MEIKIN: variants seen among roughly 807,000 people sequenced by gnomAD.
The protein encoded by MEIKIN is meiosis-specific kinetochore protein.
At chr5:131,882,295 T>C (rs13174462) in intron 8 of MEIKIN, among the ~76,000 whole-genome samples, 96,827 of 151,974 alleles carry the variant, frequency 0.64, 32,911 homozygotes, top group Non-Finnish European at 0.77. Flanking sequence ...ATCTGAGTCT[T>C]TGGAACTTAG....
intron 9 of MEIKIN, among the ~76,000 whole-genome samples, chr5:131,863,556 C>CTTTTTTTTTTTTTTTTTT (rs1750325066): frequency 2.4e-5 from 1 of 42,000 alleles, no homozygotes; most frequent in African/African-American, 1.2e-4. Flanking sequence ...CCTTCTTTGT[C>CTTTTTTTTTTTTTTTTTT]CTTTTTTTTT....
intron 11 of MEIKIN, among the ~76,000 whole-genome samples, chr5:131,820,447 T>C (rs1421190646): frequency 6.6e-6 from 1 of 152,246 alleles, no homozygotes; most frequent in Non-Finnish European, 1.5e-5. Context: ...TTCAGGATTT[T>C]TCCATCAATA....
At chr5:131,852,852 G>C (rs1750137768) in intron 10 of MEIKIN, among the ~76,000 whole-genome samples, 1 of 131,672 alleles carries the variant, frequency 7.6e-6, no homozygotes, top group Non-Finnish European at 1.6e-5. Context: ...TTGTAAAATA[G>C]TCACTAAATT....
At chr5:131,819,765 ATTTTTTT>A (rs1167213249) in intron 11 of MEIKIN, among the ~76,000 whole-genome samples, 18 of 64,572 alleles carry the variant, frequency 2.8e-4, no homozygotes, top group African/African-American at 1.1e-3. Flanking sequence ...ACATCCAGCT[ATTTTTTT>A]TTTTTTTTTT....
At chr5:131,913,603 T>C (rs1014287588) in intron 7 of MEIKIN, among the ~76,000 whole-genome samples, 1 of 152,224 alleles carries the variant, frequency 6.6e-6, no homozygotes, top group Non-Finnish European at 1.5e-5. Flanking sequence ...ATCCTCTCCA[T>C]GTATTCTTAG....
intron 8 of MEIKIN, among the ~76,000 whole-genome samples, chr5:131,879,549 C>CA (rs999316842): frequency 8.5e-5 from 13 of 152,354 alleles, no homozygotes; most frequent in Non-Finnish European, 1.8e-4. Context: ...CCTGTTTCAT[C>CA]AAAAACTTTC....
intron 10 of MEIKIN, among the ~76,000 whole-genome samples, chr5:131,852,088 A>G (rs763595821): frequency 6.6e-6 from 1 of 152,232 alleles, no homozygotes; most frequent in Non-Finnish European, 1.5e-5. Flanking sequence ...GTATATGTAT[A>G]TAATGGAGTA....
chr5:131,888,804 G>T (rs1750849360), intron 8 of MEIKIN, among the ~76,000 whole-genome samples: 1 of 152,170 alleles, frequency 6.6e-6, no homozygotes, highest in African/African-American at 2.4e-5. Flanking sequence ...GTCCTGAATG[G>T]TATTGCCTAG....
At position 131,916,872 on chromosome 5, in the gene MEIKIN, T is replaced by G. The variant is rs1381208719; in HGVS notation, c.638+14A>C. 1 of 397,078 alleles carries G rather than the reference T, an allele frequency of 2.5e-6. No individual in the cohort carries two copies. Among genetic ancestry groups the G allele is most frequent in the Non-Finnish European group, 4.4e-6 (1 of 225,010 alleles). 24.6% of individuals were successfully genotyped at this position (397,078 alleles called of 1,614,324 possible). On this transcript the variant is annotated intron_variant, in intron 7 of 12. Transcript: ENST00000442687. ...TTTCAGAAGCTCAACAATTTTAAAA[T>G]TTTTAGTTCTTACGTTTTTCTATGG...
chr5:131,832,177 C>A (rs1358381868), intron 11 of MEIKIN, among the ~76,000 whole-genome samples: 9 of 152,172 alleles, frequency 5.9e-5, no homozygotes, highest in Non-Finnish European at 7.3e-5. Context: ...AAACTAGTTA[C>A]TTCCTAGATA....
intron 8 of MEIKIN, among the ~76,000 whole-genome samples, chr5:131,897,718 G>T (rs745397979): frequency 3.7e-4 from 57 of 152,106 alleles, no homozygotes; most frequent in East Asian, 1.9e-4. Flanking sequence ...AAGTTTTCAT[G>T]CCATGGTTTT....
chr5:131,835,695 G>A (rs759945978), intron 11 of MEIKIN, among the ~76,000 whole-genome samples: 25 of 152,148 alleles, frequency 1.6e-4, no homozygotes, highest in Non-Finnish European at 3.2e-4. Context: ...CCGAGTTCAC[G>A]CCATTCTCCT....
At chr5:131,892,386 C>A (rs985784506) in intron 8 of MEIKIN, among the ~76,000 whole-genome samples, 8 of 152,268 alleles carry the variant, frequency 5.3e-5, no homozygotes, top group South Asian at 4.1e-4. Flanking sequence ...TCACATAGTC[C>A]CATATTTCTT....
chr5:131,935,098 G>A (rs1751752468), intron 4 of MEIKIN, among the ~76,000 whole-genome samples: 1 of 149,862 alleles, frequency 6.7e-6, no homozygotes. Context: ...ACAAGCTACA[G>A]ATAGGGAGAA....
At chr5:131,899,542 TA>T (rs398065218) in intron 8 of MEIKIN, among the ~76,000 whole-genome samples, 1,282 of 125,404 alleles carry the variant, frequency 0.01, 14 homozygotes, top group Middle Eastern at 0.031. Flanking sequence ...TGAATGGATT[TA>T]AAAAAAAAAA....
intron 4 of MEIKIN, among the ~76,000 whole-genome samples, chr5:131,934,443 T>A (rs804059): frequency 5.3e-5 from 8 of 151,978 alleles, no homozygotes; most frequent in African/African-American, 1.7e-4. Context: ...TTTTGACCAA[T>A]ATGTAAAGGC....
chr5:131,858,069 G>A lies in MEIKIN; in HGVS notation c.775-3235C>T, dbSNP rs1170482612. 2.4e-4 allele frequency among the ~76,000 whole-genome samples: 37 copies of A among 152,232 alleles called. 1 individual carries two copies. Among genetic ancestry groups the A allele is most frequent in the Admixed American group, 2.4e-3 (37 of 15,284 alleles). On this transcript the variant is annotated intron_variant, in intron 9 of 12. Transcript: ENST00000442687. ...ACTCCCCATCACAGTGCTGTGGCCA[G>A]CAGAGCAGGAACACCGGGCCCCTCC...
chr5:131,840,730 T>A (rs1426595069), intron 11 of MEIKIN, among the ~76,000 whole-genome samples: 1 of 152,192 alleles, frequency 6.6e-6, no homozygotes, highest in Non-Finnish European at 1.5e-5. Context: ...ACTGGCTTTT[T>A]GTCTGTTAGC....
intron 9 of MEIKIN, among the ~76,000 whole-genome samples, chr5:131,872,093 C>T (rs1240651161): frequency 1.3e-5 from 2 of 152,200 alleles, no homozygotes; most frequent in African/African-American, 2.4e-5. Flanking sequence ...CAGAGCACCT[C>T]TCCTCCTCCA....
Sources: gnomAD v4.1 joint callset for allele counts (sites outside exome capture counted in the v4.1 genomes callset) on GRCh38, gnomAD v4.1.1 for gene constraint, MANE v1.5 for transcripts, NCBI Gene and HGNC (gene_info 2026-07-23, HGNC 2026-07-21) for gene names.